SYCP1: variants seen among roughly 807,000 people sequenced by gnomAD.
SYCP1 encodes the protein synaptonemal complex protein 1.
SYCP1 carries 64 observed loss-of-function variants against 153.1 expected under a neutral mutation model. The observed-to-expected ratio is 0.42, with a 90% CI of 0.34 to 0.51. The LOEUF (loss-of-function observed/expected upper bound fraction) is 0.51. Among genes scored for constraint, SYCP1 ranks in the 20% least tolerant of loss-of-function variants. The pLI is 0.06. For missense variants in SYCP1, 997 were observed against 1,049.0 expected (o/e 0.95, Z 0.68); for synonymous variants, 384 against 341.8 (o/e 1.12, Z -1.36).
intron 20 of SYCP1, among the ~76,000 whole-genome samples, chr1:114,922,655 A>T (rs556953726): frequency 6.6e-6 from 1 of 152,110 alleles, no homozygotes; most frequent in Non-Finnish European, 1.5e-5. Flanking sequence ...TTACATTTCA[A>T]TATGAAATTT....
intron 23 of SYCP1, among the ~76,000 whole-genome samples, chr1:114,936,170 C>T (rs1669996004): frequency 6.6e-6 from 1 of 152,088 alleles, no homozygotes; most frequent in Non-Finnish European, 1.5e-5. Context: ...ACTGGCAAAC[C>T]AAATCCAGCA....
At chr1:114,906,088 C>T (rs1187459817) in intron 16 of SYCP1, among the ~76,000 whole-genome samples, 3 of 151,974 alleles carry the variant, frequency 2.0e-5, no homozygotes, top group Non-Finnish European at 2.9e-5. Flanking sequence ...GCTTCAGCCT[C>T]CTGAGTAGCT....
chr1:114,870,109 G>T (rs564105038), intron 8 of SYCP1, among the ~76,000 whole-genome samples: 2 of 152,188 alleles, frequency 1.3e-5, no homozygotes, highest in East Asian at 3.9e-4. Context: ...GAAATCCTGG[G>T]CTCAAGCGAT....
At chr1:114,975,392 T>C (rs763047065) in intron 27 of SYCP1, among the ~76,000 whole-genome samples, 6 of 151,396 alleles carry the variant, frequency 4.0e-5, no homozygotes, top group Non-Finnish European at 7.4e-5. Flanking sequence ...GTATATGTAG[T>C]CTTTTAAATT....
intron 8 of SYCP1, among the ~76,000 whole-genome samples, chr1:114,866,411 A>G (rs946619954): frequency 2.0e-5 from 3 of 152,080 alleles, no homozygotes; most frequent in Non-Finnish European, 4.4e-5. Flanking sequence ...TTGTTGTTCT[A>G]AATTGCATTT....
At chr1:114,960,693 C>T (rs1044994234) in intron 27 of SYCP1, among the ~76,000 whole-genome samples, 3 of 152,124 alleles carry the variant, frequency 2.0e-5, no homozygotes, top group African/African-American at 7.2e-5. Flanking sequence ...ACCTGTTTGC[C>T]ATTGGTATAT....
At chr1:114,965,381 C>T (rs1395450232) in intron 27 of SYCP1, among the ~76,000 whole-genome samples, 4 of 152,164 alleles carry the variant, frequency 2.6e-5, no homozygotes, top group Non-Finnish European at 1.5e-5. Flanking sequence ...CTGGCCAGAA[C>T]TTCCCATACT....
chr1:114,872,012 T>C (rs1665177903), intron 8 of SYCP1, among the ~76,000 whole-genome samples: 2 of 150,308 alleles, frequency 1.3e-5, no homozygotes, highest in Non-Finnish European at 1.5e-5. Context: ...TTTTCTTTTT[T>C]TTTTTTTTTG....
chr1:114,993,995 AT>A (rs141666315), intron 30 of SYCP1, among the ~76,000 whole-genome samples: 29,932 of 148,070 alleles, frequency 0.2, 3,440 homozygotes, highest in Middle Eastern at 0.26. Context: ...TTTTGTGACC[AT>A]TTTTTTTTTC....
intron 27 of SYCP1, 140 bp downstream of exon 27, chr1:114,947,460 T>C (rs1264932994): frequency 1.6e-6 from 1 of 616,606 alleles, no homozygotes; most frequent in Non-Finnish European, 2.8e-6. Context: ...AGAAGCTTTT[T>C]TCTAGAAACA....
intron 27 of SYCP1, among the ~76,000 whole-genome samples, chr1:114,954,417 T>G (rs1297408780): frequency 6.6e-6 from 1 of 151,906 alleles, no homozygotes; most frequent in Non-Finnish European, 1.5e-5. Context: ...CAATGCTTAT[T>G]TTTATTCTTT....
At chr1:114,885,917 C>A (rs1376708923) in intron 13 of SYCP1, among the ~76,000 whole-genome samples, 1 of 151,898 alleles carries the variant, frequency 6.6e-6, no homozygotes, top group Admixed American at 6.6e-5. Context: ...TAGGAAGGCT[C>A]CATGGAGGAG....
intron 25 of SYCP1, 21 bp downstream of exon 25, chr1:114,945,003 T>C: frequency 6.8e-7 from 1 of 1,468,104 alleles, no homozygotes; most frequent in East Asian, 2.4e-5. Context: ...TCTTCTTATA[T>C]AATGAAAATT....
Position 114,913,013 on chromosome 1 carries a change from C to T in SYCP1, c.1530-20C>T. ...TACATTTGTAAATATTTTGGTATGA[C>T]TTTTTTTTTTAAAAAATAGGCTTAA... On this transcript the variant is annotated intron_variant, in intron 18 of 31. Transcript: ENST00000369522. 5 of 1,393,650 alleles carry T rather than the reference C, an allele frequency of 3.6e-6. No individual in the cohort carries two copies. Among genetic ancestry groups the T allele is most frequent in the Non-Finnish European group, 3.9e-6 (4 of 1,018,158 alleles). 86.3% of individuals were successfully genotyped at this position (1,393,650 alleles called of 1,614,324 possible).
chr1:114,992,974 C>A (rs564017561), intron 30 of SYCP1, among the ~76,000 whole-genome samples: 2 of 151,060 alleles, frequency 1.3e-5, no homozygotes, highest in Admixed American at 1.3e-4. Context: ...AGAAAAGATT[C>A]GAATAGCCAT....
intron 7 of SYCP1, among the ~76,000 whole-genome samples, chr1:114,860,332 T>A (rs1351841507): frequency 3.3e-5 from 5 of 152,156 alleles, no homozygotes; most frequent in Non-Finnish European, 5.9e-5. Flanking sequence ...TACCTTATTT[T>A]GTGTTTTGAA....
intron 12 of SYCP1, among the ~76,000 whole-genome samples, chr1:114,879,280 A>G (rs1007111906): frequency 3.3e-5 from 5 of 152,150 alleles, no homozygotes; most frequent in African/African-American, 9.7e-5. Flanking sequence ...TTGTTTTTCT[A>G]TTCTTCAGAA....
intron 27 of SYCP1, among the ~76,000 whole-genome samples, chr1:114,967,748 C>A (rs1672225833): frequency 6.6e-6 from 1 of 152,044 alleles, no homozygotes; most frequent in Non-Finnish European, 1.5e-5. Flanking sequence ...TTATTTTGCC[C>A]ATTAGTTGAT....
chr1:114,934,317 T>C (rs1669839290), intron 23 of SYCP1, among the ~76,000 whole-genome samples: 2 of 152,000 alleles, frequency 1.3e-5, no homozygotes, highest in Admixed American at 6.6e-5. Context: ...CTAAACTTCA[T>C]AAGTGAAGGA....
Sources: allele counts gnomAD v4.1 joint callset (sites outside exome capture counted in the v4.1 genomes callset), GRCh38; gene constraint gnomAD v4.1.1; transcripts MANE v1.5; gene names NCBI Gene and HGNC (gene_info 2026-07-23, HGNC 2026-07-21).